The following UNC80 variants were observed in gnomAD, a reference collection of about 807,000 sequenced individuals.
UNC80 encodes protein unc-80 homolog.
Under a neutral mutation model 384.6 loss-of-function variants are expected in UNC80, and 164 were observed. The observed-to-expected ratio is 0.43, with a 90% CI of 0.38 to 0.49. The LOEUF is 0.49. UNC80 is among the 20% of genes least tolerant of loss of function. The probability of loss-of-function intolerance (pLI) is 0.00; values close to 1 mark genes in which losing one functional copy is unlikely to be tolerated. For missense variants in UNC80, 3,330 were observed against 4,143.0 expected, an observed-to-expected ratio of 0.80 and a Z score of 5.39; for synonymous variants, 1,486 against 1,527.8, an observed-to-expected ratio of 0.97 and a Z score of 0.64.
chr2:209,785,998 A>G, intron 4 of UNC80, 68 bp from the exon 5 acceptor site: 3 of 1,540,656 alleles, frequency 1.9e-6, no homozygotes, highest in Non-Finnish European at 2.6e-6. Flanking sequence ...TAATCCTTGC[A>G]TTGATTGGTC....
chr2:209,835,427 C>G (rs1030784151), intron 18 of UNC80, among the ~76,000 whole-genome samples: 2 of 152,206 alleles, frequency 1.3e-5, no homozygotes, highest in Non-Finnish European at 2.9e-5. Context: ...TCAAAAACTT[C>G]TCCAGTTCTC....
At chr2:209,772,690 G>A (rs1197087493) in intron 1 of UNC80, among the ~76,000 whole-genome samples, 5 of 152,134 alleles carry the variant, frequency 3.3e-5, no homozygotes, top group Non-Finnish European at 7.4e-5. Context: ...CCAATAAACA[G>A]AAAAGGTTTT....
At chr2:209,935,918 G>T in intron 40 of UNC80, 110 bp downstream of exon 40, 1 of 640,376 alleles carries the variant, frequency 1.6e-6, no homozygotes, top group Middle Eastern at 2.5e-4. Flanking sequence ...ATGGATGTAT[G>T]CATTTCTTTA....
chr2:209,825,102 A>G (rs1306216640), intron 13 of UNC80, among the ~76,000 whole-genome samples: 6 of 152,214 alleles, frequency 3.9e-5, no homozygotes, highest in Admixed American at 3.9e-4. Context: ...CTGATGGTGG[A>G]ATGTGGTAGA....
rs1315849696 is a variant in UNC80 at position 209,815,277 on chromosome 2, CGAG to C, written c.1227_1229del (p.Glu410del). ...TTAAGGATCTCACCATGAAGTGTAACGAGGAGGAAAAATCTCTTAGCTCTGAGG... is the reference window on the plus strand; with the variant it reads ...TTAAGGATCTCACCATGAAGTGTAACGAGGAAAAATCTCTTAGCTCTGAGG... On this transcript the variant is annotated inframe_deletion, in exon 9 of 65. Coordinates refer to ENST00000673920, the MANE Select transcript of UNC80 (RefSeq NM_001371986.1). 2 of 1,551,440 alleles carry C rather than the reference CGAG, an allele frequency of 1.3e-6. No homozygotes were observed. Among genetic ancestry groups the C allele is most frequent in the African/African-American group, 2.7e-5 (2 of 73,006 alleles).
At chr2:209,878,701 A>G (rs1190909744) in intron 24 of UNC80, among the ~76,000 whole-genome samples, 2 of 152,222 alleles carry the variant, frequency 1.3e-5, no homozygotes, top group African/African-American at 4.8e-5. Context: ...ATCCTTCTTC[A>G]ACATCATTTT....
chr2:209,919,161 A>T (rs185760555), intron 33 of UNC80, among the ~76,000 whole-genome samples: 169 of 152,334 alleles, frequency 1.1e-3, no homozygotes, highest in African/African-American at 3.9e-3. Flanking sequence ...AATATAACTC[A>T]TAAACGGTCA....
chr2:209,945,791 C>G, intron 46 of UNC80, 56 bp from the exon 47 acceptor site: 1 of 1,234,054 alleles, frequency 8.1e-7, no homozygotes, highest in East Asian at 2.5e-5. Context: ...ATAGGTGCTT[C>G]TTTATCTCCT....
At chr2:209,975,150 A>G (rs983854345) in intron 56 of UNC80, among the ~76,000 whole-genome samples, 2 of 152,222 alleles carry the variant, frequency 1.3e-5, no homozygotes, top group African/African-American at 4.8e-5. Context: ...TAGTCACTCA[A>G]TGCACTTAAG....
chr2:209,984,794 TTTTTTC>T, intron 60 of UNC80, 56 bp from the exon 61 acceptor site: 1 of 1,478,088 alleles, frequency 6.8e-7, no homozygotes, highest in Non-Finnish European at 9.0e-7. Flanking sequence ...GCCTTTTTTC[TTTTTTC>T]TTTTTTTTTT....
At chr2:209,964,922 T>C (rs1170114125) in intron 51 of UNC80, among the ~76,000 whole-genome samples, 1 of 152,088 alleles carries the variant, frequency 6.6e-6, no homozygotes, top group African/African-American at 2.4e-5. Context: ...TATGAGATAA[T>C]GTGTGAATGT....
intron 25 of UNC80, among the ~76,000 whole-genome samples, chr2:209,885,010 A>G (rs1050090040): frequency 8.5e-5 from 13 of 152,174 alleles, no homozygotes; most frequent in South Asian, 6.2e-4. Context: ...ACGTTTGCCT[A>G]TGTAACAAAC....
chr2:209,978,742 T>C, intron 59 of UNC80, 34 bp downstream of exon 59: 1 of 1,474,672 alleles, frequency 6.8e-7, no homozygotes, highest in East Asian at 2.6e-5. Context: ...GCAGTAGACA[T>C]GGCCTGGCCA....
intron 7 of UNC80, among the ~76,000 whole-genome samples, chr2:209,801,230 G>A (rs1396959523): frequency 6.6e-6 from 1 of 151,906 alleles, no homozygotes; most frequent in African/African-American, 2.4e-5. Context: ...TATGAATCTG[G>A]GTGCTCCTGT....
Position 209,872,639 on chromosome 2 carries a change from T to C in UNC80, c.3628-119T>C. On this transcript the variant is annotated intron_variant, in intron 22 of 64. Transcript: ENST00000673920. This position sits in a 1 kb window ranked among gnomAD's most constrained non-coding sequence, Gnocchi z 4.1. ...ACACCACCCTGGGAAATATGGCCAA[T>C]ATAAATCAAAACATGAAGAGGAAAA... 2.0e-6 allele frequency: 2 copies of C among 988,958 alleles called. No individual in the cohort carries two copies. The highest frequency in any genetic ancestry group is 3.0e-6 in the Non-Finnish European group (2 of 660,982). 61.3% of individuals were successfully genotyped at this position (988,958 alleles called of 1,614,324 possible).
chr2:209,792,695 G>C (rs546428796), intron 6 of UNC80, among the ~76,000 whole-genome samples: 2 of 152,134 alleles, frequency 1.3e-5, no homozygotes, highest in East Asian at 3.9e-4. Context: ...GATAATTAGG[G>C]GTTAAAAAGA....
chr2:209,777,846 A>G (rs1275002804), intron 4 of UNC80, among the ~76,000 whole-genome samples: 3 of 152,138 alleles, frequency 2.0e-5, no homozygotes, highest in Admixed American at 2.0e-4. Context: ...TAGGGTTTAA[A>G]TTGCTTTCTT....
At position 209,983,691 on chromosome 2, in the gene UNC80, G is replaced by A. The variant is rs540292741; in HGVS notation, c.9258-1165G>A. Among the ~76,000 whole-genome samples the A allele has an allele frequency of 6.6e-5, 10 of 152,144 alleles. No homozygotes were observed. In the East Asian group the frequency reaches 1.7e-3, roughly 26 times the overall value. On this transcript the variant is annotated intron_variant, in intron 60 of 64. Coordinates refer to ENST00000673920, the MANE Select transcript of UNC80 (RefSeq NM_001371986.1). ...TAGAATTGTAGAAATTTCATAAAGA[G>A]GTTTTTCATTGTTATTTACCTAAAA...
At position 209,997,716 on chromosome 2, in the gene UNC80, A is replaced by T. The variant is rs2093503809; in HGVS notation, c.*2121A>T. On this transcript the variant is annotated 3_prime_UTR_variant, in exon 65 of 65. Coordinates refer to ENST00000673920, the MANE Select transcript of UNC80 (RefSeq NM_001371986.1). Reference sequence around the variant, plus strand: ...TAAGCAATGTTGTAACTTGCAAAAAAGCCTCCACTCTGAGAAACAGGGCCT... The same window carrying T: ...TAAGCAATGTTGTAACTTGCAAAAATGCCTCCACTCTGAGAAACAGGGCCT... 6.6e-6 allele frequency: 1 copy of T among 152,202 alleles called. No homozygotes were observed. The highest frequency in any genetic ancestry group is 1.5e-5 in the Non-Finnish European group (1 of 68,034). The allele number at this position is 152,202 out of a possible 1,614,324, so 9.4% of individuals were successfully genotyped here.
Sources: gnomAD v4.1 joint callset for allele counts (sites outside exome capture counted in the v4.1 genomes callset) on GRCh38, gnomAD v4.1.1 for gene constraint, Gnocchi (gnomAD v3.1) non-coding constraint, MANE v1.5 for transcripts, NCBI Gene and HGNC (gene_info 2026-07-23, HGNC 2026-07-21) for gene names.